The following FHOD3 variants were observed in gnomAD, a reference collection of about 807,000 sequenced individuals.
FHOD3 encodes the protein formin homology 2 domain containing 3, also known as FH1/FH2 domain-containing protein 3.
FHOD3 carries 90 observed loss-of-function variants against 173.0 expected under a neutral mutation model. The observed-to-expected ratio is 0.52, with a 90% CI of 0.44 to 0.62. The LOEUF is 0.62. Ranked by LOEUF, FHOD3 falls within the 20% of genes least tolerant of loss-of-function variation. The probability of loss-of-function intolerance (pLI) is 0.00; values close to 1 mark genes in which losing one functional copy is unlikely to be tolerated. For missense variants in FHOD3, 1,945 were observed against 2,034.7 expected (o/e 0.96, Z 0.85); for synonymous variants, 828 against 823.0 (o/e 1.01, Z -0.10).
intron 3 of FHOD3, among the ~76,000 whole-genome samples, chr18:36,397,967 G>T (rs1000142704): frequency 2.0e-5 from 3 of 152,224 alleles, no homozygotes; most frequent in African/African-American, 7.2e-5. Flanking sequence ...ACAGAATTTA[G>T]TCATGTGGAT....
chr18:36,581,999 T>A (rs1181681586), intron 6 of FHOD3, among the ~76,000 whole-genome samples: 1 of 151,958 alleles, frequency 6.6e-6, no homozygotes, highest in Non-Finnish European at 1.5e-5. Context: ...TAGGAGGAGA[T>A]TTCTGGATAT....
intron 4 of FHOD3, among the ~76,000 whole-genome samples, chr18:36,505,525 T>G (rs1272002220): frequency 6.6e-6 from 1 of 152,204 alleles, no homozygotes; most frequent in East Asian, 1.9e-4. Context: ...CTTAATGGTA[T>G]GCTGATCATT....
chr18:36,681,500 A>G lies in FHOD3; in HGVS notation c.1900A>G (p.Arg634Gly). ...RQHQESLAAE[R>G]ERRRQEREER... ...GCACCAAGAGTCACTGGCAGCAGAG[A>G]GAGAGAGGCGGCGGCAGGAGAGAGA... is the stretch of plus-strand genomic sequence containing the variant. The change falls in exon 15 of 29, where the codon AGA becomes GGA. Residue 634 changes from arginine to glycine, a missense_variant. Coordinates refer to ENST00000590592, the MANE Select transcript of FHOD3 (RefSeq NM_001281740.3). 6.2e-7 allele frequency: 1 copy of G among 1,614,016 alleles called. No homozygotes were observed. Among genetic ancestry groups the G allele is most frequent in the Non-Finnish European group, 8.5e-7 (1 of 1,179,938 alleles).
Position 36,718,039 on chromosome 18 carries a change from C to G in FHOD3, c.2741C>G (p.Ala914Gly), listed in dbSNP as rs774684499. 22 of 1,603,748 alleles carry G rather than the reference C, an allele frequency of 1.4e-5. No homozygotes were observed. The highest frequency in any genetic ancestry group is 1.9e-5 in the Non-Finnish European group (22 of 1,174,820). The change falls in exon 19 of 29, where the codon GCC becomes GGC. Residue 914 changes from alanine (A) to glycine (G), a missense_variant. Coordinates refer to ENST00000590592, the MANE Select transcript of FHOD3 (RefSeq NM_001281740.3). ...SLATRISTLQ[A>G]NSQTQDESVR... ...GCTACCAGGATATCCACCCTGCAGG[C>G]CAACTCTCAGACCCAGGATGAGAGT...
intron 2 of FHOD3, among the ~76,000 whole-genome samples, chr18:36,363,892 G>A (rs955686004): frequency 1.3e-5 from 2 of 149,336 alleles, no homozygotes; most frequent in East Asian, 2.0e-4. Flanking sequence ...AAATGGGTGG[G>A]TGGGGAGGGG....
intron 3 of FHOD3, among the ~76,000 whole-genome samples, chr18:36,458,016 C>A (rs1179348414): frequency 6.6e-6 from 1 of 152,126 alleles, no homozygotes; most frequent in Admixed American, 6.5e-5. Context: ...ACTTGAGACT[C>A]CATAAAAAGG....
chr18:36,416,769 G>A (rs1218499426), intron 3 of FHOD3, among the ~76,000 whole-genome samples: 3 of 152,076 alleles, frequency 2.0e-5, no homozygotes, highest in East Asian at 3.9e-4. Context: ...ATCTGATTGG[G>A]ATACTTTGTC....
At chr18:36,425,995 G>A (rs1827645256) in intron 3 of FHOD3, among the ~76,000 whole-genome samples, 1 of 151,810 alleles carries the variant, frequency 6.6e-6, no homozygotes, top group East Asian at 1.9e-4. Context: ...CTGCCTCCCG[G>A]GTTCATGCCA....
intron 3 of FHOD3, among the ~76,000 whole-genome samples, 164 bp from the exon 4 acceptor site, chr18:36,501,768 C>T (rs1441326743): frequency 1.3e-5 from 2 of 152,158 alleles, no homozygotes; most frequent in African/African-American, 2.4e-5. Context: ...TATGTATATG[C>T]AACATTCTTC....
At chr18:36,345,183 G>T (rs951986223) in intron 1 of FHOD3, among the ~76,000 whole-genome samples, 1 of 150,112 alleles carries the variant, frequency 6.7e-6, no homozygotes, top group African/African-American at 2.5e-5. Flanking sequence ...AAGAAATTTC[G>T]AAGAATTCCA....
At chr18:36,663,104 G>A (rs542619417) in intron 14 of FHOD3, among the ~76,000 whole-genome samples, 4 of 152,022 alleles carry the variant, frequency 2.6e-5, no homozygotes, top group African/African-American at 9.7e-5. Flanking sequence ...TCATGATTTT[G>A]TGTTCCTACT....
At chr18:36,564,192 T>C (rs1368349909) in intron 5 of FHOD3, among the ~76,000 whole-genome samples, 1 of 152,208 alleles carries the variant, frequency 6.6e-6, no homozygotes, top group Non-Finnish European at 1.5e-5. Context: ...CCTGTGGCTG[T>C]GACCTGTTTT....
intron 18 of FHOD3, among the ~76,000 whole-genome samples, chr18:36,714,000 G>A (rs1036207055): frequency 1.3e-5 from 2 of 150,478 alleles, no homozygotes; most frequent in East Asian, 3.9e-4. Flanking sequence ...AATGACACAG[G>A]TAGATTGTAA....
chr18:36,427,944 A>C (rs2050338446), intron 3 of FHOD3, among the ~76,000 whole-genome samples: 1 of 152,228 alleles, frequency 6.6e-6, no homozygotes, highest in South Asian at 2.1e-4. Flanking sequence ...TTAGAATACA[A>C]AATAGGTTTT....
intron 5 of FHOD3, among the ~76,000 whole-genome samples, chr18:36,525,149 G>A (rs1385639571): frequency 6.6e-6 from 1 of 152,112 alleles, no homozygotes; most frequent in African/African-American, 2.4e-5. Flanking sequence ...ACCATGATTA[G>A]GTTACATTGC....
At chr18:36,553,377 T>G (rs2057741810) in intron 5 of FHOD3, among the ~76,000 whole-genome samples, 2 of 152,206 alleles carry the variant, frequency 1.3e-5, no homozygotes, top group East Asian at 3.8e-4. Flanking sequence ...TTGATTGGAA[T>G]AGTTTCAGAA....
At chr18:36,386,542 G>T (rs568037396) in intron 3 of FHOD3, among the ~76,000 whole-genome samples, 40 of 152,352 alleles carry the variant, frequency 2.6e-4, no homozygotes, top group African/African-American at 9.1e-4. Context: ...AGGCCAGTGT[G>T]AGTCACCTGT....
chr18:36,344,147 A>G (rs576736089), intron 1 of FHOD3, among the ~76,000 whole-genome samples: 2 of 152,370 alleles, frequency 1.3e-5, no homozygotes, highest in East Asian at 3.9e-4. Flanking sequence ...TCTAGGAAAC[A>G]GAAACTGACC....
chr18:36,523,999 G>C (rs921190572), intron 5 of FHOD3, among the ~76,000 whole-genome samples: 1 of 152,090 alleles, frequency 6.6e-6, no homozygotes, highest in Non-Finnish European at 1.5e-5. Flanking sequence ...GCTTGTATTC[G>C]GCTGGACATG....
Sources: allele counts gnomAD v4.1 joint callset (sites outside exome capture counted in the v4.1 genomes callset), GRCh38; gene constraint gnomAD v4.1.1; transcripts MANE v1.5; gene names NCBI Gene and HGNC (gene_info 2026-07-23, HGNC 2026-07-21).